The following USP50 variants were observed in gnomAD, a reference collection of about 807,000 sequenced individuals.
USP50 encodes ubiquitin carboxyl-terminal hydrolase 50.
USP50 carries 37 observed loss-of-function variants against 39.2 expected under a neutral mutation model. The ratio of observed to expected loss-of-function variants is 0.94; its 90% CI spans 0.73 to 1.24. USP50 has a LOEUF of 1.24. Ranked by LOEUF, USP50 falls within the 50% of genes most tolerant of loss-of-function variation. The pLI is 0.00. For missense variants in USP50, 374 were observed against 398.2 expected (o/e 0.94, Z 0.52); for synonymous variants, 139 against 144.5 (o/e 0.96, Z 0.27).
intron 5 of USP50, chr15:50,532,003 C>A (rs2052943689): frequency 2.5e-6 from 1 of 398,372 alleles, no homozygotes; most frequent in Admixed American, 3.0e-5. Context: ...TAGAGAATCA[C>A]AGACTTACCA....
At chr15:50,506,992 C>T (rs1187932715) in intron 6 of USP50, 2 of 104,250 alleles carry the variant, frequency 1.9e-5, no homozygotes, top group South Asian at 3.3e-4. Context: ...AAAAAAAAAT[C>T]CAGTTTTAGG....
intron 1 of USP50, among the ~76,000 whole-genome samples, chr15:50,495,212 A>T (rs28648524): frequency 0.22 from 32,460 of 146,464 alleles, 3,860 homozygotes; most frequent in East Asian, 0.46. Context: ...ATACACACAC[A>T]CCTACACAAA....
At chr15:50,528,322 G>A (rs924298467) in intron 6 of USP50, among the ~76,000 whole-genome samples, 9 of 150,382 alleles carry the variant, frequency 6.0e-5, no homozygotes, top group Non-Finnish European at 8.8e-5. Context: ...TGTCATCCAA[G>A]CTGGAGTGCA....
At chr15:50,511,416 A>G (rs979945622) in intron 6 of USP50, 1 of 152,208 alleles carries the variant, frequency 6.6e-6, no homozygotes, top group Non-Finnish European at 1.5e-5. Context: ...GAAATTTCAC[A>G]CTTAGGTATA....
downstream of USP50, chr15:50,493,444 A>G (rs1220987421): frequency 1.9e-6 from 1 of 519,080 alleles, no homozygotes; most frequent in Non-Finnish European, 3.8e-6. Flanking sequence ...GAAAGGGGAA[A>G]ATATCTTTAT....
At chr15:50,493,388 T>C, downstream of USP50, 1 of 519,366 alleles carries the variant, frequency 1.9e-6, no homozygotes, top group South Asian at 1.4e-5. Context: ...CATTTTACCT[T>C]TCAAACCATA....
chr15:50,503,762 T>C (rs1438346594), intron 6 of USP50: 1 of 152,172 alleles, frequency 6.6e-6, no homozygotes, highest in African/African-American at 2.4e-5. Flanking sequence ...AATTTCTAGA[T>C]TGTTGCATGT....
chr15:50,539,806 T>C (rs1294739246), intron 4 of USP50, among the ~76,000 whole-genome samples: 1 of 152,212 alleles, frequency 6.6e-6, no homozygotes, highest in African/African-American at 2.4e-5. Flanking sequence ...ACTCTCAGGG[T>C]TTGGGGGTGG....
intron 6 of USP50, among the ~76,000 whole-genome samples, chr15:50,518,409 G>C (rs985568674): frequency 6.6e-6 from 1 of 151,560 alleles, no homozygotes; most frequent in Non-Finnish European, 1.5e-5. Context: ...ATTTTTAGTA[G>C]AGACGGGGTT....
chr15:50,501,730 A>G lies in USP50; in HGVS notation c.937-893T>C, dbSNP rs1024812453. ...AAGGCATTAGAGAGGTGTACTTCCAAGGAGGTGTTATGGTGTATGATAAGG... is the reference window on the plus strand; with the variant it reads ...AAGGCATTAGAGAGGTGTACTTCCAGGGAGGTGTTATGGTGTATGATAAGG... On this transcript the variant is annotated intron_variant, in intron 6 of 6. Coordinates refer to ENST00000532404, the MANE Select transcript of USP50 (RefSeq NM_203494.5). 36 of 152,070 alleles carry G rather than the reference A, an allele frequency of 2.4e-4. 1 individual carries two copies. The highest frequency in any genetic ancestry group is 1.5e-5 in the Non-Finnish European group (1 of 68,014). 9.4% of individuals were successfully genotyped at this position (152,070 alleles called of 1,614,324 possible).
At chr15:50,507,783 A>C (rs2052681878) in intron 6 of USP50, 1 of 152,154 alleles carries the variant, frequency 6.6e-6, no homozygotes, top group African/African-American at 2.4e-5. Flanking sequence ...TAAAAGAGTT[A>C]GTTTAGGCCA....
At chr15:50,536,447 C>A (rs1193928885) in intron 5 of USP50, among the ~76,000 whole-genome samples, 2 of 152,088 alleles carry the variant, frequency 1.3e-5, no homozygotes, top group Non-Finnish European at 1.5e-5. Context: ...TCAAGACCAG[C>A]CTGGCCAACA....
downstream of USP50, chr15:50,497,099 G>C (rs2052446555): frequency 2.5e-6 from 4 of 1,600,154 alleles, no homozygotes; most frequent in Non-Finnish European, 2.6e-6. Context: ...GATTGCCTTA[G>C]ATTATTTTCC....
Position 50,500,807 on chromosome 15 carries a change from A to C in USP50, c.967T>G (p.Tyr323Asp). ...ACTGAATTCTTGCAGAAAGCAGTGT[A>C]GTGGCCACCATCCAAATCACCAAAA... ...NHFGDLDGGHYTAFCKNSVTQ... is the reference protein window; with the variant it reads ...NHFGDLDGGHDTAFCKNSVTQ... The change falls in exon 7 of 7, where the codon TAC becomes GAC. Residue 323 changes from tyrosine (Y) to aspartate (D), a missense_variant. Tyr to Asp is a radical substitution (Grantham distance 160). Transcript: ENST00000532404. The C allele has an allele frequency of 6.3e-7, 1 of 1,589,144 alleles. No homozygotes were observed. Among genetic ancestry groups the C allele is most frequent in the Non-Finnish European group, 8.6e-7 (1 of 1,167,188 alleles).
intron 6 of USP50, among the ~76,000 whole-genome samples, chr15:50,522,344 G>A (rs2052857214): frequency 6.6e-6 from 1 of 152,194 alleles, no homozygotes; most frequent in South Asian, 2.1e-4. Context: ...AGGATCAGTT[G>A]AGCCCAGGAG....
chr15:50,527,351 C>T (rs2052906341), intron 6 of USP50, among the ~76,000 whole-genome samples: 2 of 152,010 alleles, frequency 1.3e-5, no homozygotes. Context: ...ACTACAGGCA[C>T]ATGCCACCAC....
At chr15:50,524,515 T>C (rs1489000874) in intron 6 of USP50, among the ~76,000 whole-genome samples, 1 of 152,170 alleles carries the variant, frequency 6.6e-6, no homozygotes, top group African/African-American at 2.4e-5. Flanking sequence ...ATGACAAAAA[T>C]GTTCAACATC....
At chr15:50,529,580 A>G (rs1223874065) in intron 6 of USP50, among the ~76,000 whole-genome samples, 1 of 152,190 alleles carries the variant, frequency 6.6e-6, no homozygotes, top group Non-Finnish European at 1.5e-5. Context: ...TAGATCTGAA[A>G]TAGCCACTGA....
chr15:50,506,715 T>G (rs1455716588), intron 6 of USP50: 1 of 152,048 alleles, frequency 6.6e-6, no homozygotes, highest in Non-Finnish European at 1.5e-5. Flanking sequence ...ATCTCAGCAC[T>G]TGGGGAGGCC....
Sources: gnomAD v4.1 joint callset for allele counts (sites outside exome capture counted in the v4.1 genomes callset) on GRCh38, gnomAD v4.1.1 for gene constraint, MANE v1.5 for transcripts, NCBI Gene and HGNC (gene_info 2026-07-23, HGNC 2026-07-21) for gene names.